The following HYAL3 variants were observed in gnomAD, a reference collection of about 807,000 sequenced individuals.
The protein encoded by HYAL3 is hyaluronidase-3.
A neutral mutation model predicts 29.6 loss-of-function variants in HYAL3; 25 were observed. That is an observed-to-expected ratio of 0.85 (90% CI 0.62 to 1.18). HYAL3 has a LOEUF of 1.18. Ranked by LOEUF, HYAL3 falls within the 50% of genes most tolerant of loss-of-function variation. HYAL3 has a pLI of 0.00. For missense variants in HYAL3, 442 were observed against 548.4 expected, an observed-to-expected ratio of 0.81 and a Z score of 1.94; for synonymous variants, 215 against 218.3, an observed-to-expected ratio of 0.99 and a Z score of 0.13.
chr3:50,298,963 G>A (rs1575507547), intron 1 of HYAL3: 2 of 1,435,362 alleles, frequency 1.4e-6, no homozygotes, highest in Non-Finnish European at 1.8e-6. Context: ...GCGGGGCTCC[G>A]GGGTCCTCAG....
rs1575498600 is a variant in HYAL3 at position 50,295,606 on chromosome 3, C to T, written c.-4G>A. On this transcript the variant is annotated 5_prime_UTR_variant, in exon 2 of 4. Transcript: ENST00000336307. ...CTGGGCCCAGTTGCGTGGTCATTCC[C>T]CAAGGATGGAAACCTGCAGGAGAGA... The T allele has an allele frequency of 6.5e-7, 1 of 1,536,618 alleles. No individual in the cohort carries two copies. The highest frequency in any genetic ancestry group is 1.2e-5 in the South Asian group (1 of 80,168).
chr3:50,298,704 G>C (rs782236485), intron 1 of HYAL3: 47 of 973,308 alleles, frequency 4.8e-5, no homozygotes, highest in Admixed American at 1.1e-4. Flanking sequence ...TGCTCCAGAG[G>C]GGGCCTCCTG....
Position 50,295,255 on chromosome 3 carries a change from C to T in HYAL3, c.348G>A (p.Leu116=), listed in dbSNP as rs781938132. 8 of 1,613,866 alleles carry T rather than the reference C, an allele frequency of 5.0e-6. No individual in the cohort carries two copies. Among genetic ancestry groups the T allele is most frequent in the Non-Finnish European group, 6.8e-6 (8 of 1,180,024 alleles). Residue 116 remains leucine, a synonymous_variant, in exon 2 of 4, where the codon CTG becomes CTA. Transcript: ENST00000336307. ...ALAAYQIHHS[L]RPGFAGPAVL... is the part of the protein sequence containing the mutation. ...CTGCTGGGCCAGCAAAGCCAGGTCT[C>T]AGGCTGTGGTGGATCTGGTAGGCAG...
Position 50,293,351 on chromosome 3 carries a change from T to C in HYAL3, c.1149A>G (p.Pro383=). ...ACTTCCAATCTCCAAGGCTGCCGTC[T>C]GGCCACAGGTGTAGAAAGGCTTCCA... ...GQMEAFLHLW[P]DGSLGDWKSF... Residue 383 remains proline (P), a synonymous_variant, in exon 4 of 4, where the codon CCA becomes CCG. Transcript: ENST00000336307. 6.2e-7 allele frequency: 1 copy of C among 1,613,508 alleles called. No individual in the cohort carries two copies. Among genetic ancestry groups the C allele is most frequent in the Non-Finnish European group, 8.5e-7 (1 of 1,180,036 alleles).
Position 50,292,957 on chromosome 3 carries a change from T to G in HYAL3, c.*289A>C. On this transcript the variant is annotated 3_prime_UTR_variant, in exon 4 of 4. Coordinates refer to ENST00000336307, the MANE Select transcript of HYAL3 (RefSeq NM_003549.4). ...GCCCATCTGTGACCTCTCCATGGGC[T>G]TAGTGAGGTGTAGGCACAAAGCCCT... The G allele has an allele frequency of 6.5e-7, 1 of 1,540,288 alleles. No homozygotes were observed. Among genetic ancestry groups the G allele is most frequent in the Non-Finnish European group, 8.7e-7 (1 of 1,142,938 alleles).
In HYAL3 at chr3:50,292,886, T is replaced by A. The variant is rs184209565; in HGVS notation, c.*360A>T. 6.7e-7 allele frequency: 1 copy of A among 1,491,430 alleles called. No individual in the cohort carries two copies. The highest frequency in any genetic ancestry group is 1.8e-5 in the Admixed American group (1 of 56,634). The allele number at this position is 1,491,430 out of a possible 1,614,324, so 92.4% of individuals were successfully genotyped here. On this transcript the variant is annotated 3_prime_UTR_variant, in exon 4 of 4. Coordinates refer to ENST00000336307, the MANE Select transcript of HYAL3 (RefSeq NM_003549.4). ...GAGTGCAGACAACAGCTTAGCACTT[T>A]ACCGACCTTCGCCAAGATTTTTTGG...
chr3:50,299,168 C>A, intron 1 of HYAL3, 45 bp downstream of exon 1: 1 of 1,613,990 alleles, frequency 6.2e-7, no homozygotes, highest in Non-Finnish European at 8.5e-7. Context: ...ACCGCACGCG[C>A]GGGGTGGACC....
At chr3:50,293,596 T>A (rs1340025041) in intron 3 of HYAL3, 36 bp downstream of exon 3, 2 of 1,613,244 alleles carry the variant, frequency 1.2e-6, no homozygotes, top group African/African-American at 2.7e-5. Context: ...GACCCCAGCA[T>A]GTGCTACATG....
At chr3:50,296,447 G>C in intron 1 of HYAL3, 1 of 846,884 alleles carries the variant, frequency 1.2e-6, no homozygotes, top group Non-Finnish European at 1.8e-6. Flanking sequence ...CTCTGAGCCA[G>C]AGCCACCTCC....
In HYAL3 at chr3:50,297,038, C is replaced by A; in HGVS notation, c.-17-1419G>T. The A allele has an allele frequency of 6.5e-7, 1 of 1,538,846 alleles. No homozygotes were observed. The highest frequency in any genetic ancestry group is 8.7e-7 in the Non-Finnish European group (1 of 1,146,152). On this transcript the variant is annotated intron_variant, in intron 1 of 3. Coordinates refer to ENST00000336307, the MANE Select transcript of HYAL3 (RefSeq NM_003549.4). The surrounding 1 kb of genome is among the most constrained non-coding windows in gnomAD (Gnocchi z 4.3). ...CACGGCCCCTCAGGGCCCGGGCCAC[C>A]ACCACTGTCTCCACTAAGAGGCTCT...
chr3:50,297,733 G>A lies in HYAL3; in HGVS notation c.-18+1480C>T. ...GGAGGGTGGGGTTGGAGCAGGGAAGGGCTGACAGAGTGCAGGGGGGACCAT... is the reference window on the plus strand; with the variant it reads ...GGAGGGTGGGGTTGGAGCAGGGAAGAGCTGACAGAGTGCAGGGGGGACCAT... On this transcript the variant is annotated intron_variant, in intron 1 of 3. Transcript: ENST00000336307. This position sits in a 1 kb window ranked among gnomAD's most constrained non-coding sequence, Gnocchi z 4.3. 7.4e-7 allele frequency: 1 copy of A among 1,357,540 alleles called. No individual in the cohort carries two copies. Among genetic ancestry groups the A allele is most frequent in the Non-Finnish European group, 9.4e-7 (1 of 1,059,314 alleles). 84.1% of individuals were successfully genotyped at this position (1,357,540 alleles called of 1,614,324 possible). A position where few individuals can be genotyped will look rare whatever the true frequency, so the allele number is the denominator to read the frequency against.
Position 50,297,889 on chromosome 3 carries a change from G to A in HYAL3, c.-18+1324C>T. 3 of 1,007,970 alleles carry A rather than the reference G, an allele frequency of 3.0e-6. No homozygotes were observed. The highest frequency in any genetic ancestry group is 3.5e-6 in the Non-Finnish European group (3 of 845,576). 62.4% of individuals were successfully genotyped at this position (1,007,970 alleles called of 1,614,324 possible). On this transcript the variant is annotated intron_variant, in intron 1 of 3. Coordinates refer to ENST00000336307, the MANE Select transcript of HYAL3 (RefSeq NM_003549.4). The surrounding 1 kb of genome is among the most constrained non-coding windows in gnomAD (Gnocchi z 4.3). Reference sequence around the variant, plus strand: ...CCAGGTGTCTACCCCACATTGGAGGGAGGCTGGGAGTGATGGATGAGCTGC... The same window carrying A: ...CCAGGTGTCTACCCCACATTGGAGGAAGGCTGGGAGTGATGGATGAGCTGC...
At chr3:50,298,696 C>A in intron 1 of HYAL3, 1 of 953,840 alleles carries the variant, frequency 1.0e-6, no homozygotes, top group Non-Finnish European at 1.3e-6. Context: ...TACTCACCTG[C>A]TCCAGAGGGG....
chr3:50,293,773 G>T, intron 2 of HYAL3, 52 bp from the exon 3 acceptor site: 1 of 1,446,206 alleles, frequency 6.9e-7, no homozygotes, highest in Non-Finnish European at 9.7e-7. Flanking sequence ...ATCCATGTGG[G>T]CACACATCCA....
At chr3:50,295,880 C>G in intron 1 of HYAL3, 1 of 462,476 alleles carries the variant, frequency 2.2e-6, no homozygotes, top group Non-Finnish European at 3.9e-6. Context: ...TCCCATGTTC[C>G]GTCTTTGTCA....
chr3:50,299,022 A>G (rs917054403), intron 1 of HYAL3, 191 bp downstream of exon 1: 297 of 1,502,824 alleles, frequency 2.0e-4, no homozygotes, highest in Non-Finnish European at 2.4e-4. Flanking sequence ...CCTCCCTCCT[A>G]GTGGGTCACA....
chr3:50,298,996 C>T, intron 1 of HYAL3: 1 of 1,467,200 alleles, frequency 6.8e-7, no homozygotes, highest in Non-Finnish European at 9.0e-7. Flanking sequence ...CCGTCTCTCC[C>T]GGGCCTCGGT....
rs782638116 is a variant in HYAL3 at position 50,295,445 on chromosome 3, T to C, written c.158A>G (p.Asn53Ser). The C allele has an allele frequency of 2.5e-5, 41 of 1,614,050 alleles. No homozygotes were observed. Among genetic ancestry groups the C allele is most frequent in the South Asian group, 8.8e-5 (8 of 91,094 alleles). Residue 53 changes from asparagine (N) to serine (S), a missense_variant, in exon 2 of 4, where the codon AAT (asparagine) becomes AGT (serine). Coordinates refer to ENST00000336307, the MANE Select transcript of HYAL3 (RefSeq NM_003549.4). Reference protein sequence around the residue: ...EARFGVHLPLNALGIIANRGQ... With the variant: ...EARFGVHLPLSALGIIANRGQ... ...ACGGTTGGCTATGATGCCCAGAGCA[T>C]TGAGTGGCAGGTGCACACCAAAGCG...
chr3:50,295,251 G>T lies in HYAL3; in HGVS notation c.352C>A (p.Pro118Thr). ...AGCACTGCTGGGCCAGCAAAGCCAG[G>T]TCTCAGGCTGTGGTGGATCTGGTAG... ...AAYQIHHSLR[P>T]GFAGPAVLDW... Residue 118 changes from proline (P) to threonine (T), a missense_variant, in exon 2 of 4, where the codon CCT (proline) becomes ACT (threonine). Pro to Thr is a conservative substitution (Grantham distance 38). Coordinates refer to ENST00000336307, the MANE Select transcript of HYAL3 (RefSeq NM_003549.4). The T allele has an allele frequency of 6.2e-7, 1 of 1,613,924 alleles. No individual in the cohort carries two copies.
Sources: gnomAD v4.1 joint callset for allele counts on GRCh38, gnomAD v4.1.1 for gene constraint, Gnocchi (gnomAD v3.1) non-coding constraint, MANE v1.5 for transcripts, NCBI Gene and HGNC (gene_info 2026-07-23, HGNC 2026-07-21) for gene names.